The following CACNA2D3 variants were observed in gnomAD, a reference collection of about 807,000 sequenced individuals.
CACNA2D3 encodes the protein voltage-dependent calcium channel subunit alpha-2/delta-3.
CACNA2D3 carries 60 observed loss-of-function variants against 160.6 expected under a neutral mutation model. The ratio of observed to expected loss-of-function variants is 0.37; its 90% CI spans 0.30 to 0.46. The LOEUF (loss-of-function observed/expected upper bound fraction) is 0.46, where lower values mean the gene tolerates loss of function less well. Ranked by LOEUF, CACNA2D3 falls within the 20% of genes least tolerant of loss-of-function variation. The pLI, the probability that CACNA2D3 is intolerant of heterozygous loss-of-function variation, is 1.00. For synonymous variants in CACNA2D3, 558 were observed against 492.9 expected, an observed-to-expected ratio of 1.13 and a Z score of -1.75; for missense variants, 1,205 against 1,365.0, an observed-to-expected ratio of 0.88 and a Z score of 1.85.
chr3:55,073,697 T>C (rs1704873142), intron 36 of CACNA2D3, 80 bp from the exon 37 acceptor site: 3 of 1,312,798 alleles, frequency 2.3e-6, no homozygotes, highest in Non-Finnish European at 3.3e-6. Context: ...GTTAAGAGAG[T>C]TGTCATTGCC....
chr3:54,162,224 C>T (rs968924863), intron 2 of CACNA2D3, among the ~76,000 whole-genome samples: 3 of 152,078 alleles, frequency 2.0e-5, no homozygotes, highest in Admixed American at 6.5e-5. Context: ...AACTTCATTG[C>T]GAAAAATAAC....
intron 34 of CACNA2D3, among the ~76,000 whole-genome samples, chr3:55,012,916 C>A (rs968114713): frequency 2.0e-5 from 3 of 152,066 alleles, no homozygotes; most frequent in Admixed American, 6.6e-5. Flanking sequence ...TTTCACCACC[C>A]CCACCCCAGC....
At chr3:54,792,961 G>C (rs561584874) in intron 13 of CACNA2D3, among the ~76,000 whole-genome samples, 1 of 152,284 alleles carries the variant, frequency 6.6e-6, no homozygotes, top group African/African-American at 2.4e-5. Context: ...AAAAACTGCT[G>C]TTTTCTACAG....
At chr3:54,246,333 T>C (rs1702075474) in intron 2 of CACNA2D3, among the ~76,000 whole-genome samples, 2 of 152,232 alleles carry the variant, frequency 1.3e-5, no homozygotes, top group Non-Finnish European at 2.9e-5. Context: ...TTTTTTCCCT[T>C]GTAAGTCACA....
intron 14 of CACNA2D3, among the ~76,000 whole-genome samples, chr3:54,817,834 A>G (rs768318057): frequency 2.0e-5 from 3 of 152,226 alleles, no homozygotes; most frequent in Non-Finnish European, 4.4e-5. Flanking sequence ...AAGGCAAGGC[A>G]TGCTAGTGTG....
chr3:54,512,792 C>T (rs111425021), intron 5 of CACNA2D3, among the ~76,000 whole-genome samples: 6 of 152,140 alleles, frequency 3.9e-5, no homozygotes, highest in Admixed American at 2.0e-4. Flanking sequence ...TGTAGGGCTT[C>T]GTATTAGTCT....
chr3:54,547,558 G>A (rs549271710), intron 5 of CACNA2D3, among the ~76,000 whole-genome samples: 1 of 151,954 alleles, frequency 6.6e-6, no homozygotes, highest in Non-Finnish European at 1.5e-5. Context: ...TTGTTACGTG[G>A]CCACATCTAC....
At chr3:55,010,806 C>T (rs1429588158) in intron 34 of CACNA2D3, among the ~76,000 whole-genome samples, 1 of 152,202 alleles carries the variant, frequency 6.6e-6, no homozygotes, top group Non-Finnish European at 1.5e-5. Context: ...TTTCTTCTTG[C>T]TCCTGCCCCA....
At chr3:54,137,822 C>G (rs1294983409) in intron 2 of CACNA2D3, among the ~76,000 whole-genome samples, 2 of 129,406 alleles carry the variant, frequency 1.5e-5, no homozygotes. Context: ...AGAAGGCTGA[C>G]TCTGACCTAT....
In CACNA2D3 at chr3:54,188,259, ACAAACAAAC is replaced by A. The variant is rs1306863721; in HGVS notation, c.204+64666_204+64674del. Among the ~76,000 whole-genome samples the A allele has an allele frequency of 2.1e-3, 312 of 150,976 alleles. 1 individual carries two copies. The highest frequency in any genetic ancestry group is 7.1e-3 in the African/African-American group (288 of 40,530). ...AACAAACAAACAAACAAACAAACAA[ACAAACAAAC>A]AAAAAAACCAGTAGCAGGAGAGGCT... On this transcript the variant is annotated intron_variant, in intron 2 of 37. Transcript: ENST00000474759.
At chr3:54,167,901 G>A (rs1057186259) in intron 2 of CACNA2D3, among the ~76,000 whole-genome samples, 11 of 152,170 alleles carry the variant, frequency 7.2e-5, no homozygotes, top group Admixed American at 2.0e-4. Context: ...AAGGGTGAGC[G>A]CAGTATTTAC....
chr3:54,792,356 T>A (rs960670252), intron 13 of CACNA2D3, among the ~76,000 whole-genome samples: 1 of 152,198 alleles, frequency 6.6e-6, no homozygotes, highest in African/African-American at 2.4e-5. Flanking sequence ...CATGAACCAC[T>A]GGAATAGATA....
chr3:54,585,888 G>A (rs11130425), intron 9 of CACNA2D3, among the ~76,000 whole-genome samples: 42,655 of 151,816 alleles, frequency 0.28, 6,800 homozygotes, highest in South Asian at 0.4. Context: ...AAGACCATCA[G>A]TGTCAAGGCA....
chr3:54,552,549 T>A (rs1165356329), intron 5 of CACNA2D3, among the ~76,000 whole-genome samples: 1 of 152,182 alleles, frequency 6.6e-6, no homozygotes, highest in East Asian at 1.9e-4. Context: ...CAAGGTAATG[T>A]ACTATAGCAA....
At chr3:54,507,489 G>C (rs907895097) in intron 5 of CACNA2D3, among the ~76,000 whole-genome samples, 1 of 152,150 alleles carries the variant, frequency 6.6e-6, no homozygotes, top group African/African-American at 2.4e-5. Context: ...CCCTGCCCAT[G>C]CTCTTTACAG....
At chr3:54,460,788 C>T (rs924008667) in intron 4 of CACNA2D3, among the ~76,000 whole-genome samples, 10 of 152,212 alleles carry the variant, frequency 6.6e-5, no homozygotes, top group African/African-American at 2.4e-4. Flanking sequence ...GCCTAATTGC[C>T]CTGGCCAGAA....
intron 11 of CACNA2D3, among the ~76,000 whole-genome samples, chr3:54,697,371 A>G (rs1700683819): frequency 6.6e-6 from 1 of 152,194 alleles, no homozygotes; most frequent in Admixed American, 6.5e-5. Context: ...CATGTTAACA[A>G]GCACCCAAGG....
chr3:55,051,059 G>T (rs565862249), intron 35 of CACNA2D3, among the ~76,000 whole-genome samples: 2 of 148,358 alleles, frequency 1.3e-5, no homozygotes, highest in African/African-American at 5.1e-5. Context: ...ATGTCCTCCC[G>T]TAGCTCAGAG....
At chr3:54,884,650 A>T (rs968783638) in intron 21 of CACNA2D3, among the ~76,000 whole-genome samples, 1 of 152,218 alleles carries the variant, frequency 6.6e-6, no homozygotes, top group Non-Finnish European at 1.5e-5. Flanking sequence ...GGAACCTTCT[A>T]TTAAAACTCC....
Sources: gnomAD v4.1 joint callset for allele counts (sites outside exome capture counted in the v4.1 genomes callset) on GRCh38, gnomAD v4.1.1 for gene constraint, MANE v1.5 for transcripts, NCBI Gene and HGNC (gene_info 2026-07-23, HGNC 2026-07-21) for gene names.